LRIG1: variants seen among roughly 807,000 people sequenced by gnomAD.
LRIG1 encodes leucine rich repeats and immunoglobulin like domains 1.
In LRIG1, 48 loss-of-function variants were observed where a neutral mutation model predicts 99.2. The ratio of observed to expected loss-of-function variants is 0.48; its 90% CI spans 0.38 to 0.62. The LOEUF is 0.62. LRIG1 is among the 20% of genes least tolerant of loss of function. LRIG1 has a pLI of 0.00. For missense variants in LRIG1, 1,646 were observed against 1,434.4 expected (o/e 1.15, Z -2.38); for synonymous variants, 772 against 596.1 (o/e 1.29, Z -4.30).
At chr3:66,398,798 C>T (rs1187312873) in intron 10 of LRIG1, among the ~76,000 whole-genome samples, 172 bp downstream of exon 10, 1 of 152,220 alleles carries the variant, frequency 6.6e-6, no homozygotes, top group African/African-American at 2.4e-5. Flanking sequence ...CTGTTCCTGG[C>T]ATAGGCAACA....
In LRIG1 at chr3:66,490,669, G is replaced by A. The variant is rs544484952; in HGVS notation, c.218+9521C>T. Among the ~76,000 whole-genome samples the A allele has an allele frequency of 1.2e-3, 186 of 152,082 alleles. 3 individuals are homozygous for A. Among genetic ancestry groups the A allele is most frequent in the African/African-American group, 4.3e-3 (180 of 41,460 alleles). ...TTAAAAAAAAAAAATGCATTGGAGC[G>A]TGCTTCCACTTTTCTAAACAGAGAA... is the stretch of plus-strand genomic sequence containing the variant. On this transcript the variant is annotated intron_variant, in intron 1 of 18. Transcript: ENST00000273261.
chr3:66,450,210 C>A (rs972641303), intron 3 of LRIG1, among the ~76,000 whole-genome samples: 11 of 152,170 alleles, frequency 7.2e-5, no homozygotes, highest in African/African-American at 2.7e-4. Flanking sequence ...CAGCACTTCA[C>A]AGAAACAGAG....
chr3:66,493,777 C>T (rs371315966), intron 1 of LRIG1, among the ~76,000 whole-genome samples: 1 of 139,492 alleles, frequency 7.2e-6, no homozygotes, highest in South Asian at 2.2e-4. Flanking sequence ...GCGTGGGCAA[C>T]AGAGTGAAAC....
chr3:66,441,074 A>G (rs565095647), intron 3 of LRIG1, among the ~76,000 whole-genome samples: 4 of 152,254 alleles, frequency 2.6e-5, no homozygotes, highest in East Asian at 3.9e-4. Flanking sequence ...GTCCCCGAGG[A>G]AAAAAAGTAT....
chr3:66,462,723 A>T (rs1700382891), intron 1 of LRIG1, among the ~76,000 whole-genome samples: 1 of 152,070 alleles, frequency 6.6e-6, no homozygotes, highest in South Asian at 2.1e-4. Flanking sequence ...CTCTATGAAA[A>T]CCCAAACGAA....
chr3:66,451,044 G>A (rs1344980883), intron 3 of LRIG1, among the ~76,000 whole-genome samples: 2 of 152,158 alleles, frequency 1.3e-5, no homozygotes, highest in African/African-American at 4.8e-5. Flanking sequence ...TTCATTTCCA[G>A]TGTGCTGTCT....
chr3:66,423,609 C>T (rs1056677204), intron 3 of LRIG1, among the ~76,000 whole-genome samples: 2 of 152,194 alleles, frequency 1.3e-5, no homozygotes, highest in Non-Finnish European at 2.9e-5. Flanking sequence ...ACTCAGTTCA[C>T]AGCACTCCTC....
Position 66,383,019 on chromosome 3 carries a change from G to A in LRIG1, c.2454C>T (p.Thr818=). ...CACTGTACTCTTCACTCTTCTTCCT[G>A]GTCTGGTAGATGATGCACACCCAGA... ...SLVWVCIIYQ[T]RKKSEEYSVT... The change falls in exon 15 of 19, where the codon ACC becomes ACT. Residue 818 remains threonine, a synonymous_variant. Coordinates refer to ENST00000273261, the MANE Select transcript of LRIG1 (RefSeq NM_015541.3). 1 of 1,613,986 alleles carries A rather than the reference G, an allele frequency of 6.2e-7. No individual in the cohort carries two copies. Among genetic ancestry groups the A allele is most frequent in the Non-Finnish European group, 8.5e-7 (1 of 1,179,928 alleles).
At chr3:66,428,385 A>G (rs1703049914) in intron 3 of LRIG1, among the ~76,000 whole-genome samples, 1 of 152,222 alleles carries the variant, frequency 6.6e-6, no homozygotes, top group South Asian at 2.1e-4. Flanking sequence ...TTAGGAATAT[A>G]GCCTGGGGCC....
chr3:66,381,111 G>A lies in LRIG1; in HGVS notation c.2771-250C>T, dbSNP rs542889140. On this transcript the variant is annotated intron_variant, in intron 17 of 18. Transcript: ENST00000273261. ...GACAATGTAGTCTTACTGCTTCACG[G>A]GGGAAAAGCCATTAGCCTTAGGTAC... is the stretch of plus-strand genomic sequence containing the variant. Among the ~76,000 whole-genome samples the A allele has an allele frequency of 2.6e-5, 4 of 152,288 alleles. No individual in the cohort carries two copies. The East Asian group carries it at 7.7e-4, about 29-fold the overall frequency.
intron 1 of LRIG1, among the ~76,000 whole-genome samples, chr3:66,473,875 T>TA (rs1165102390): frequency 5.9e-5 from 9 of 152,234 alleles, no homozygotes; most frequent in Non-Finnish European, 2.9e-5. Flanking sequence ...CTGGGCTTCT[T>TA]AAAGTTTACG....
At chr3:66,490,824 A>G (rs1701085944) in intron 1 of LRIG1, among the ~76,000 whole-genome samples, 1 of 152,168 alleles carries the variant, frequency 6.6e-6, no homozygotes, top group African/African-American at 2.4e-5. Context: ...CTGGAATTTG[A>G]TTTTCACAGA....
intron 2 of LRIG1, among the ~76,000 whole-genome samples, chr3:66,462,142 G>A (rs1233871150): frequency 6.6e-6 from 1 of 152,122 alleles, no homozygotes; most frequent in Non-Finnish European, 1.5e-5. Flanking sequence ...ACCAGCCCAG[G>A]ATGTGTCACT....
chr3:66,405,653 T>A, intron 8 of LRIG1: 1 of 998,376 alleles, frequency 1.0e-6, no homozygotes, highest in Non-Finnish European at 1.3e-6. Flanking sequence ...TCTGCTCTCA[T>A]ACCAACCAGA....
intron 2 of LRIG1, among the ~76,000 whole-genome samples, chr3:66,462,021 G>C (rs577713207): frequency 6.6e-6 from 1 of 152,144 alleles, no homozygotes; most frequent in African/African-American, 2.4e-5. Context: ...AAGGCGCGCA[G>C]ATCACATGAG....
chr3:66,402,763 A>G (rs1033897328), intron 9 of LRIG1, among the ~76,000 whole-genome samples: 10 of 151,954 alleles, frequency 6.6e-5, no homozygotes, highest in African/African-American at 2.4e-4. Flanking sequence ...CACGCACCCC[A>G]CTTCTCAGTG....
intron 1 of LRIG1, among the ~76,000 whole-genome samples, chr3:66,468,287 G>A (rs1336215137): frequency 6.6e-6 from 1 of 152,148 alleles, no homozygotes; most frequent in African/African-American, 2.4e-5. Context: ...ATCCCCAAAA[G>A]CAAGCATTGC....
At chr3:66,381,716 G>T in intron 16 of LRIG1, 85 bp from the exon 17 acceptor site, 11 of 1,455,400 alleles carry the variant, frequency 7.6e-6, no homozygotes, top group Non-Finnish European at 1.0e-5. Flanking sequence ...AAGGCCGCTA[G>T]AACAGTCATT....
At chr3:66,450,559 C>T (rs996412954) in intron 3 of LRIG1, among the ~76,000 whole-genome samples, 1 of 152,186 alleles carries the variant, frequency 6.6e-6, no homozygotes, top group African/African-American at 2.4e-5. Context: ...CACAGGGACA[C>T]AGCACCTCCT....
Sources: allele counts gnomAD v4.1 joint callset (sites outside exome capture counted in the v4.1 genomes callset), GRCh38; gene constraint gnomAD v4.1.1; transcripts MANE v1.5; gene names NCBI Gene and HGNC (gene_info 2026-07-23, HGNC 2026-07-21).